The following ABCA5 variants were observed in gnomAD, a reference collection of about 807,000 sequenced individuals.
ABCA5 encodes ATP binding cassette subfamily A member 5, also known as cholesterol transporter ABCA5.
ABCA5 carries 163 observed loss-of-function variants against 206.0 expected under a neutral mutation model. The ratio of observed to expected loss-of-function variants is 0.79; its 90% CI spans 0.70 to 0.90. The LOEUF (loss-of-function observed/expected upper bound fraction) is 0.90. ABCA5 is among the 40% of genes least tolerant of loss of function. ABCA5 has a pLI of 0.00. For synonymous variants in ABCA5, 609 were observed against 613.8 expected (o/e 0.99, Z 0.11); for missense variants, 1,859 against 1,912.9 (o/e 0.97, Z 0.53).
At chr17:69,324,276 G>A (rs946943566) in intron 1 of ABCA5, among the ~76,000 whole-genome samples, 1 of 152,314 alleles carries the variant, frequency 6.6e-6, no homozygotes, top group East Asian at 1.9e-4. Context: ...AAAGAGCCTG[G>A]AAAGGAGTGG....
In ABCA5 at chr17:69,289,911, G is replaced by A; in HGVS notation, c.1733C>T (p.Ser578Leu). The change falls in exon 13 of 39, where the codon TCA (serine) becomes TTA (leucine). Residue 578 changes from serine (S) to leucine (L), a missense_variant. By Grantham distance (145) the Ser-to-Leu change is moderately radical. Transcript: ENST00000392676. Reference protein sequence around the residue: ...FDVLTVEENLSILASIKGIPA... With the variant: ...FDVLTVEENLLILASIKGIPA... ...TATCCCTTTGATTGAAGCCAAAATTGATAAATTTTCTTCTACTGTCAAAAC... is the reference window on the plus strand; with the variant it reads ...TATCCCTTTGATTGAAGCCAAAATTAATAAATTTTCTTCTACTGTCAAAAC... 1 of 1,611,436 alleles carries A rather than the reference G, an allele frequency of 6.2e-7. No individual in the cohort carries two copies. Among genetic ancestry groups the A allele is most frequent in the Non-Finnish European group, 8.5e-7 (1 of 1,178,926 alleles).
intron 10 of ABCA5, among the ~76,000 whole-genome samples, chr17:69,296,431 C>A (rs533899): frequency 0.96 from 146,322 of 152,210 alleles, 70,606 homozygotes; most frequent in East Asian, 1. Context: ...AACAAGGAAT[C>A]GTAATGAATT....
intron 9 of ABCA5, 81 bp from the exon 10 acceptor site, chr17:69,297,440 C>T: frequency 1.5e-6 from 2 of 1,295,836 alleles, no homozygotes; most frequent in Non-Finnish European, 1.1e-6. Flanking sequence ...ATATGACAAC[C>T]TGCATCTAAA....
chr17:69,268,094 A>C (rs1415866107), intron 22 of ABCA5, 38 bp from the exon 23 acceptor site: 3 of 915,844 alleles, frequency 3.3e-6, no homozygotes, highest in East Asian at 2.5e-5. Flanking sequence ...GGAACTGAGA[A>C]TCATTTTATA....
At position 69,302,736 on chromosome 17, in the gene ABCA5, A is replaced by C; in HGVS notation, c.1101T>G (p.Phe367Leu). The change falls in exon 8 of 39, where the codon TTT (phenylalanine) becomes TTG (leucine). Residue 367 changes from phenylalanine to leucine, a missense_variant. Transcript: ENST00000392676. ...TACCTACCTGTGCAATACCAATCAC[A>C]AAAGTACAGTGACAGAAAGGACTGA... Reference protein sequence around the residue: ...WLFSPFCHCTFVIGIAQVMHL... With the variant: ...WLFSPFCHCTLVIGIAQVMHL... The C allele has an allele frequency of 6.4e-7, 1 of 1,572,522 alleles. No homozygotes were observed.
intron 1 of ABCA5, among the ~76,000 whole-genome samples, chr17:69,323,217 C>G (rs529329355): frequency 6.6e-6 from 1 of 152,148 alleles, no homozygotes; most frequent in Non-Finnish European, 1.5e-5. Context: ...GATAAAAGAC[C>G]GCTGACTGTG....
intron 3 of ABCA5, among the ~76,000 whole-genome samples, chr17:69,310,139 T>C (rs2075755533): frequency 6.6e-6 from 1 of 152,110 alleles, no homozygotes. Context: ...AAAAAATAAC[T>C]TCGTTATTTT....
At chr17:69,252,462 C>G (rs2144892289) in intron 34 of ABCA5, among the ~76,000 whole-genome samples, 1 of 151,924 alleles carries the variant, frequency 6.6e-6, no homozygotes, top group East Asian at 1.9e-4. Flanking sequence ...ATAACCAAAA[C>G]AGGCTTTGAA....
At chr17:69,280,286 C>T (rs1012949409) in intron 18 of ABCA5, among the ~76,000 whole-genome samples, 11 of 152,208 alleles carry the variant, frequency 7.2e-5, no homozygotes, top group African/African-American at 2.7e-4. Flanking sequence ...TGAAAAAACG[C>T]TCACCATCAC....
In ABCA5 at chr17:69,297,187, A is replaced by G. The variant is rs371220829; in HGVS notation, c.1436+4T>C. The stretch of plus-strand genomic sequence containing the variant: ...TACCTAAATTGCCAAAGATTGAACC[A>G]TACCTTATGGCTTCTTTTCCTACAA... On this transcript the variant is annotated splice_donor_region_variant and intron_variant, in intron 10 of 38. Coordinates refer to ENST00000392676, the MANE Select transcript of ABCA5 (RefSeq NM_172232.4). 11 of 1,609,750 alleles carry G rather than the reference A, an allele frequency of 6.8e-6. No individual in the cohort carries two copies. The highest frequency in any genetic ancestry group is 3.3e-4 in the Middle Eastern group (2 of 6,068).
rs187208514 is a variant in ABCA5, at chr17:69,278,045, G to A, written c.2393-203C>T. On this transcript the variant is annotated intron_variant, in intron 18 of 38. Transcript: ENST00000392676. ...ATCCCCAACAGGTATAAACCCAACA[G>A]AGATATGAATACAGGTTTCACCAAA... Among the ~76,000 whole-genome samples the A allele has an allele frequency of 5.9e-5, 9 of 152,084 alleles. No homozygotes were observed. In the East Asian group the frequency reaches 1.7e-3, roughly 29 times the overall value.
intron 19 of ABCA5, 87 bp downstream of exon 19, chr17:69,277,554 G>C (rs1174907439): frequency 1.3e-5 from 14 of 1,044,178 alleles, no homozygotes; most frequent in Non-Finnish European, 1.6e-5. Context: ...ATTTACATAT[G>C]TTAACATTTT....
rs143159330 is a variant in ABCA5, at chr17:69,281,835, T to G, written c.2392+2118A>C. Among the ~76,000 whole-genome samples the G allele has an allele frequency of 7.0e-3, 1,069 of 152,330 alleles. 18 individuals carry two copies. Among genetic ancestry groups the G allele is most frequent in the African/African-American group, 0.024 (997 of 41,568 alleles). On this transcript the variant is annotated intron_variant, in intron 18 of 38. Coordinates refer to ENST00000392676, the MANE Select transcript of ABCA5 (RefSeq NM_172232.4). ...GCAAGTTTACTTCATGATGATATATTCAGCTTGATTCTTGACTTTGGTATC... is the reference window on the plus strand; with the variant it reads ...GCAAGTTTACTTCATGATGATATATGCAGCTTGATTCTTGACTTTGGTATC...
At chr17:69,307,006 C>A in intron 5 of ABCA5, 52 bp from the exon 6 acceptor site, 1 of 1,331,946 alleles carries the variant, frequency 7.5e-7, no homozygotes, top group South Asian at 1.8e-5. Context: ...TGATAGCAGC[C>A]CCTAGTAAAA....
chr17:69,269,633 G>A (rs1429854036), intron 22 of ABCA5, among the ~76,000 whole-genome samples: 2 of 152,036 alleles, frequency 1.3e-5, no homozygotes, highest in African/African-American at 4.8e-5. Flanking sequence ...GCCAAAAGGT[G>A]GAAATAACCC....
At chr17:69,265,143 C>T (rs2075194053) in intron 23 of ABCA5, among the ~76,000 whole-genome samples, 1 of 151,984 alleles carries the variant, frequency 6.6e-6, no homozygotes, top group African/African-American at 2.4e-5. Flanking sequence ...AATCAGAATA[C>T]AGTAGTGCTG....
intron 6 of ABCA5, 142 bp downstream of exon 6, chr17:69,306,583 A>G (rs894679426): frequency 8.3e-5 from 30 of 360,744 alleles, no homozygotes; most frequent in Admixed American, 9.8e-5. Context: ...CTAATCTCAA[A>G]TTCCAAGACT....
At chr17:69,314,510 G>C (rs2075798425) in intron 1 of ABCA5, 80 bp from the exon 2 acceptor site, 1 of 813,652 alleles carries the variant, frequency 1.2e-6, no homozygotes, top group East Asian at 2.6e-5. Context: ...AAAATAAGCA[G>C]CTGTTTCAGT....
At position 69,318,964 on chromosome 17, in the gene ABCA5, A is replaced by G. The variant is rs2075841133; in HGVS notation, c.-15-4534T>C. 1.3e-5 allele frequency: 7 copies of G among 559,262 alleles called. No homozygotes were observed. In the South Asian group the frequency reaches 1.4e-4, roughly 11 times the overall value. The allele number at this position is 559,262 out of a possible 1,614,324, so 34.6% of individuals were successfully genotyped here. A position where few individuals can be genotyped will look rare whatever the true frequency, so the allele number is the denominator to read the frequency against. On this transcript the variant is annotated intron_variant, in intron 1 of 38. Coordinates refer to ENST00000392676, the MANE Select transcript of ABCA5 (RefSeq NM_172232.4). The stretch of plus-strand genomic sequence containing the variant: ...TGTTAGAAGCCTTGGAACAAGTATA[A>G]ATAATGGCTGTTCAGCAGAAAAACC...
Sources: gnomAD v4.1 joint callset for allele counts (sites outside exome capture counted in the v4.1 genomes callset) on GRCh38, gnomAD v4.1.1 for gene constraint, MANE v1.5 for transcripts, NCBI Gene and HGNC (gene_info 2026-07-23, HGNC 2026-07-21) for gene names.